The following FOXK2 variants were observed in gnomAD, a reference collection of about 807,000 sequenced individuals.
FOXK2 encodes forkhead box K2.
In FOXK2, 24 loss-of-function variants were observed where a neutral mutation model predicts 53.3. The ratio of observed to expected loss-of-function variants is 0.45; its 90% confidence interval spans 0.33 to 0.63. FOXK2 has a LOEUF of 0.63. FOXK2 is among the 30% of genes least tolerant of loss of function. The probability of loss-of-function intolerance (pLI) is 0.03; values close to 1 mark genes in which losing one functional copy is unlikely to be tolerated. For synonymous variants in FOXK2, 505 were observed against 407.1 expected (o/e 1.24, Z -2.89); for missense variants, 952 against 910.5 (o/e 1.05, Z -0.59).
intron 1 of FOXK2, among the ~76,000 whole-genome samples, chr17:82,537,619 CAAAAAAAAA>C (rs963026198): frequency 3.8e-5 from 2 of 53,030 alleles, no homozygotes; most frequent in East Asian, 1.1e-3. Context: ...GACTCCATCT[CAAAAAAAAA>C]AAAAAAAAAA....
chr17:82,585,809 A>G lies in FOXK2; in HGVS notation c.1280-95A>G, dbSNP rs562108337. ...AGGGCCATATCCTATATTTTAAATT[A>G]AAGTTTGTATGTTGCTTGTCAGTGC... On this transcript the variant is annotated intron_variant, in intron 6 of 8. Transcript: ENST00000335255. The G allele has an allele frequency of 3.0e-5, 38 of 1,263,840 alleles. No individual in the cohort carries two copies. The South Asian group carries it at 3.8e-4, about 13-fold the overall frequency. 78.3% of individuals were successfully genotyped at this position (1,263,840 alleles called of 1,614,324 possible).
chr17:82,573,576 A>T (rs1291151140), intron 4 of FOXK2, among the ~76,000 whole-genome samples: 1 of 138,372 alleles, frequency 7.2e-6, no homozygotes, highest in Non-Finnish European at 1.7e-5. Context: ...ACACACACAC[A>T]CACACACACA....
chr17:82,585,539 C>G (rs909062552), intron 6 of FOXK2, among the ~76,000 whole-genome samples: 2 of 152,004 alleles, frequency 1.3e-5, no homozygotes, highest in Non-Finnish European at 2.9e-5. Flanking sequence ...TGATCTCAAA[C>G]TCCTCCCACC....
intron 1 of FOXK2, among the ~76,000 whole-genome samples, chr17:82,551,979 A>G (rs1308728744): frequency 6.6e-6 from 1 of 151,776 alleles, no homozygotes; most frequent in Admixed American, 6.6e-5. Context: ...CACCTGCTGC[A>G]CTCTGGGTGG....
At chr17:82,598,657 G>C (rs535619357) in intron 8 of FOXK2, among the ~76,000 whole-genome samples, 1 of 152,248 alleles carries the variant, frequency 6.6e-6, no homozygotes, top group African/African-American at 2.4e-5. Context: ...CTTGGTGACA[G>C]CATTAAGCTG....
At chr17:82,584,317 T>G in intron 6 of FOXK2, 129 bp downstream of exon 6, 1 of 965,046 alleles carries the variant, frequency 1.0e-6, no homozygotes, top group Non-Finnish European at 1.4e-6. Context: ...TAGTACCTGA[T>G]TTTATAGGCC....
intron 1 of FOXK2, among the ~76,000 whole-genome samples, chr17:82,524,560 G>T (rs1399036990): frequency 1.3e-5 from 2 of 152,238 alleles, no homozygotes; most frequent in Non-Finnish European, 2.9e-5. Flanking sequence ...CTCGAGCCCA[G>T]TGTGATTGGT....
At chr17:82,561,748 G>A (rs970936975) in intron 1 of FOXK2, among the ~76,000 whole-genome samples, 4 of 152,200 alleles carry the variant, frequency 2.6e-5, no homozygotes, top group Non-Finnish European at 4.4e-5. Flanking sequence ...TCTTGGAGAC[G>A]TCCCTGAAGC....
At position 82,602,699 on chromosome 17, in the gene FOXK2, C is replaced by G. The variant is rs763194756; in HGVS notation, c.*1200C>G. 2.0e-5 allele frequency: 3 copies of G among 152,238 alleles called. No individual in the cohort carries two copies. The highest frequency in any genetic ancestry group is 4.4e-5 in the Non-Finnish European group (3 of 68,060). The allele number at this position is 152,238 out of a possible 1,614,324, so 9.4% of individuals were successfully genotyped here. ...CCCAATCCTGAGGCTGACTCCTCTA[C>G]GGAAAATGAGGACAGGACGGGGGTG... On this transcript the variant is annotated 3_prime_UTR_variant, in exon 9 of 9. Transcript: ENST00000335255.
intron 8 of FOXK2, among the ~76,000 whole-genome samples, chr17:82,597,135 G>A (rs552123187): frequency 6.6e-6 from 1 of 152,336 alleles, no homozygotes; most frequent in Non-Finnish European, 1.5e-5. Flanking sequence ...CACAGGTCAC[G>A]TGGGCCCGAG....
chr17:82,533,058 G>T (rs2044487200), intron 1 of FOXK2, among the ~76,000 whole-genome samples: 1 of 152,096 alleles, frequency 6.6e-6, no homozygotes, highest in African/African-American at 2.4e-5. Flanking sequence ...AAGTTCTTAG[G>T]GGAAGTAACG....
At chr17:82,556,795 C>G (rs556103202) in intron 1 of FOXK2, among the ~76,000 whole-genome samples, 1 of 152,026 alleles carries the variant, frequency 6.6e-6, no homozygotes, top group South Asian at 2.1e-4. Context: ...CTCCTGGGTT[C>G]AAGCGATTCT....
intron 2 of FOXK2, among the ~76,000 whole-genome samples, chr17:82,567,340 C>T (rs1478817506): frequency 6.6e-6 from 1 of 152,226 alleles, no homozygotes; most frequent in Non-Finnish European, 1.5e-5. Context: ...TCTGCAGCTC[C>T]TTGACTTACC....
chr17:82,583,733 G>A lies in FOXK2; in HGVS notation c.1104-280G>A, dbSNP rs576952640. On this transcript the variant is annotated intron_variant, in intron 5 of 8. Coordinates refer to ENST00000335255, the MANE Select transcript of FOXK2 (RefSeq NM_004514.4). Reference sequence around the variant, plus strand: ...GCTGCCGGCTCCACCGTCAGTGCACGGGAGCTGCTTAGAGAGGGCAGCTGG... The same window carrying A: ...GCTGCCGGCTCCACCGTCAGTGCACAGGAGCTGCTTAGAGAGGGCAGCTGG... Among the ~76,000 whole-genome samples, 9 of 152,266 alleles carry A rather than the reference G, an allele frequency of 5.9e-5. No homozygotes were observed. In the East Asian group the frequency reaches 1.7e-3, roughly 29 times the overall value.
chr17:82,593,096 G>C (rs113837376), intron 8 of FOXK2, among the ~76,000 whole-genome samples: 166 of 139,506 alleles, frequency 1.2e-3, no homozygotes, highest in African/African-American at 4.4e-3. Context: ...GTCTCCCTGC[G>C]CCGGGCACAG....
rs752595361 is a variant in FOXK2 at position 82,571,777 on chromosome 17, G to A, written c.816G>A (p.Thr272=). Residue 272 remains threonine (T), a synonymous_variant, in exon 4 of 9, where the codon ACG becomes ACA. Coordinates refer to ENST00000335255, the MANE Select transcript of FOXK2 (RefSeq NM_004514.4). ...SYAQLIVQAI[T]MAPDKQLTLN... is the part of the protein sequence containing the mutation. ...CGCAGCTGATAGTTCAGGCGATTAC[G>A]ATGGCTCCCGACAAACAGCTCACCC... 62 of 1,602,390 alleles carry A rather than the reference G, an allele frequency of 3.9e-5. No homozygotes were observed. Among genetic ancestry groups the A allele is most frequent in the African/African-American group, 1.2e-4 (9 of 73,952 alleles).
chr17:82,590,714 A>T (rs1381584858), intron 8 of FOXK2, among the ~76,000 whole-genome samples: 1 of 152,158 alleles, frequency 6.6e-6, no homozygotes, highest in African/African-American at 2.4e-5. Flanking sequence ...TTCCTACTAT[A>T]TTAAGCAATT....
At chr17:82,553,981 C>T (rs111490034) in intron 1 of FOXK2, among the ~76,000 whole-genome samples, 22,913 of 152,010 alleles carry the variant, frequency 0.15, 2,189 homozygotes, top group East Asian at 0.32. Flanking sequence ...CTACAGGCGC[C>T]CACCACCACG....
intron 8 of FOXK2, among the ~76,000 whole-genome samples, chr17:82,596,549 G>C (rs369438538): frequency 7.1e-4 from 10 of 14,000 alleles, no homozygotes; most frequent in African/African-American, 9.6e-4. Flanking sequence ...CACTTTCTGC[G>C]GGCAGTCTGT....
Sources: gnomAD v4.1 joint callset for allele counts (sites outside exome capture counted in the v4.1 genomes callset) on GRCh38, gnomAD v4.1.1 for gene constraint, MANE v1.5 for transcripts, NCBI Gene and HGNC (gene_info 2026-07-23, HGNC 2026-07-21) for gene names.